The following GRIN2A variants were observed in gnomAD, a reference collection of about 807,000 sequenced individuals.
GRIN2A encodes the protein glutamate ionotropic receptor NMDA type subunit 2A, also known as glutamate receptor ionotropic, NMDA 2A.
GRIN2A carries 22 observed loss-of-function variants against 113.4 expected under a neutral mutation model. The observed-to-expected ratio is 0.19, with a 90% CI of 0.14 to 0.28. The LOEUF is 0.28. Ranked by LOEUF, GRIN2A falls within the 10% of genes least tolerant of loss-of-function variation. GRIN2A has a pLI of 1.00. For synonymous variants in GRIN2A, 827 were observed against 738.4 expected (o/e 1.12, Z -1.94); for missense variants, 1,502 against 1,887.0 (o/e 0.80, Z 3.78).
chr16:10,111,477 C>G (rs1267746296), intron 2 of GRIN2A: 1 of 649,448 alleles, frequency 1.5e-6, no homozygotes, highest in Non-Finnish European at 2.8e-6. Context: ...GCCGCACCCA[C>G]AACAACTTCC....
intron 2 of GRIN2A, among the ~76,000 whole-genome samples, chr16:9,948,024 C>T (rs1307916613): frequency 2.6e-5 from 4 of 152,144 alleles, no homozygotes; most frequent in East Asian, 1.9e-4. Context: ...CTTTTTTCCA[C>T]GTCTTCTAAA....
chr16:9,911,680 C>T (rs1025202848), intron 3 of GRIN2A, among the ~76,000 whole-genome samples: 1 of 152,176 alleles, frequency 6.6e-6, no homozygotes, highest in African/African-American at 2.4e-5. Flanking sequence ...AAAAACATAG[C>T]TCTACAAAGG....
intron 2 of GRIN2A, among the ~76,000 whole-genome samples, chr16:9,970,234 C>G (rs1319598488): frequency 6.6e-6 from 1 of 152,100 alleles, no homozygotes; most frequent in South Asian, 2.1e-4. Context: ...TAGCACTATT[C>G]CAGAAAAAAA....
chr16:9,917,023 T>C lies in GRIN2A; in HGVS notation c.1007+20936A>G, dbSNP rs73502663. Among the ~76,000 whole-genome samples the C allele has an allele frequency of 9.2e-3, 1,402 of 152,326 alleles. 20 individuals carry two copies. Among genetic ancestry groups the C allele is most frequent in the African/African-American group, 0.032 (1,336 of 41,574 alleles). On this transcript the variant is annotated intron_variant, in intron 3 of 12. Transcript: ENST00000330684. ...AAACTGAGTCTACCATGAGAATAAG[T>C]GTTTTTATTACCTTATAAACACTAA...
chr16:10,007,673 C>T (rs78047769), intron 2 of GRIN2A, among the ~76,000 whole-genome samples: 1,739 of 151,774 alleles, frequency 0.011, 29 homozygotes, highest in African/African-American at 0.04. Context: ...CCTGTGCTGT[C>T]GGGGTCCACG....
intron 2 of GRIN2A, among the ~76,000 whole-genome samples, chr16:10,064,590 A>G (rs2047612366): frequency 6.6e-6 from 1 of 152,192 alleles, no homozygotes; most frequent in African/African-American, 2.4e-5. Context: ...AACATTTTTA[A>G]CCTCACATTT....
At chr16:9,816,743 G>A (rs932702368) in intron 10 of GRIN2A, among the ~76,000 whole-genome samples, 9 of 152,124 alleles carry the variant, frequency 5.9e-5, no homozygotes, top group Non-Finnish European at 1.2e-4. Context: ...AGGGCATATC[G>A]GAGTCACCTG....
rs2141131012 is a variant in GRIN2A, at chr16:9,763,985, A to T, written c.3559T>A (p.Tyr1187Asn). 1 of 1,614,132 alleles carries T rather than the reference A, an allele frequency of 6.2e-7. No individual in the cohort carries two copies. The highest frequency in any genetic ancestry group is 8.5e-7 in the Non-Finnish European group (1 of 1,180,010). The change falls in exon 13 of 13, where the codon TAC becomes AAC. Residue 1187 changes from tyrosine (Y) to asparagine (N), a missense_variant. By Grantham distance (143) the Tyr-to-Asn change is moderately radical (BLOSUM62 -2). Transcript: ENST00000330684. ...GLSNNDQYKLYSKHFTLKDKG... is the reference protein window; with the variant it reads ...GLSNNDQYKLNSKHFTLKDKG... ...TCTTTCAAGGTGAAGTGCTTGGAGT[A>T]GAGTTTATACTGGTCGTTGTTGGAA...
intron 2 of GRIN2A, among the ~76,000 whole-genome samples, chr16:10,102,628 C>CCTT (rs1293416214): frequency 6.6e-6 from 1 of 151,994 alleles, no homozygotes; most frequent in Non-Finnish European, 1.5e-5. Flanking sequence ...CTCACTGCAA[C>CCTT]CTTCGCCTCC....
intron 2 of GRIN2A, among the ~76,000 whole-genome samples, chr16:10,171,783 G>T (rs1045662394): frequency 4.6e-5 from 7 of 152,166 alleles, no homozygotes; most frequent in African/African-American, 1.2e-4. Flanking sequence ...TTATAAGGTA[G>T]GCACTGAGAC....
At chr16:9,849,310 AT>A (rs1019917379) in intron 5 of GRIN2A, among the ~76,000 whole-genome samples, 4 of 150,008 alleles carry the variant, frequency 2.7e-5, no homozygotes, top group Admixed American at 6.7e-5. Context: ...ATATAAAGAT[AT>A]TTTTTGAATA....
intron 11 of GRIN2A, among the ~76,000 whole-genome samples, chr16:9,773,088 A>G (rs1159353293): frequency 6.6e-6 from 1 of 152,146 alleles, no homozygotes; most frequent in Non-Finnish European, 1.5e-5. Context: ...TTACTCAAGT[A>G]TATTGTAATC....
chr16:10,044,977 C>T (rs1339642074), intron 2 of GRIN2A, among the ~76,000 whole-genome samples: 2 of 152,118 alleles, frequency 1.3e-5, no homozygotes, highest in Non-Finnish European at 2.9e-5. Flanking sequence ...AATTATTGAG[C>T]AATTCAAAGA....
Position 10,016,619 on chromosome 16 carries a change from A to G in GRIN2A, c.415-78068T>C, listed in dbSNP as rs1460731245. On this transcript the variant is annotated intron_variant, in intron 2 of 12. Transcript: ENST00000330684. ...TGGGTGCCTAGTAATTGTCCATAGG[A>G]TAAATGGATAACAACGGAGAGACGA... is the stretch of plus-strand genomic sequence containing the variant. Among the ~76,000 whole-genome samples the G allele has an allele frequency of 3.9e-5, 6 of 152,356 alleles. No individual in the cohort carries two copies. The East Asian group carries it at 5.8e-4, about 15-fold the overall frequency.
intron 3 of GRIN2A, among the ~76,000 whole-genome samples, chr16:9,902,881 G>C (rs1034746230): frequency 1.4e-5 from 2 of 145,086 alleles, no homozygotes; most frequent in Non-Finnish European, 3.0e-5. Flanking sequence ...TAACAAGGCT[G>C]ATTTCAAGCT....
intron 4 of GRIN2A, among the ~76,000 whole-genome samples, chr16:9,872,904 G>A (rs1054534598): frequency 6.6e-6 from 1 of 152,038 alleles, no homozygotes; most frequent in Admixed American, 6.6e-5. Context: ...AACTAGCCAG[G>A]CATGGTGGCA....
At chr16:10,118,223 T>G (rs2048765915) in intron 2 of GRIN2A, among the ~76,000 whole-genome samples, 1 of 152,172 alleles carries the variant, frequency 6.6e-6, no homozygotes, top group African/African-American at 2.4e-5. Context: ...TATTCAGCCG[T>G]GCTGGAAGCC....
At chr16:9,863,517 T>A (rs757315624) in intron 4 of GRIN2A, among the ~76,000 whole-genome samples, 23 of 152,210 alleles carry the variant, frequency 1.5e-4, no homozygotes, top group Non-Finnish European at 2.4e-4. Flanking sequence ...AGCTCTACTT[T>A]GCAGGCTTGA....
chr16:9,811,711 A>G (rs763143783), intron 10 of GRIN2A, among the ~76,000 whole-genome samples: 1 of 152,172 alleles, frequency 6.6e-6, no homozygotes, highest in Non-Finnish European at 1.5e-5. Context: ...GTTAGCCAAG[A>G]TCTCGTGACT....
Sources: allele counts gnomAD v4.1 joint callset (sites outside exome capture counted in the v4.1 genomes callset), GRCh38; gene constraint gnomAD v4.1.1; transcripts MANE v1.5; gene names NCBI Gene and HGNC (gene_info 2026-07-23, HGNC 2026-07-21).